CHN1: variants seen among roughly 807,000 people sequenced by gnomAD.
The protein encoded by CHN1 is N-chimaerin.
A neutral mutation model predicts 59.5 loss-of-function variants in CHN1; 37 were observed. That is an observed-to-expected ratio of 0.62 (90% confidence interval 0.48 to 0.82). CHN1 has a LOEUF of 0.82. Ranked by LOEUF, CHN1 falls within the 40% of genes least tolerant of loss-of-function variation. The pLI is 0.00. For synonymous variants in CHN1, 206 were observed against 200.4 expected, an observed-to-expected ratio of 1.03 and a Z score of -0.24; for missense variants, 469 against 571.0, an observed-to-expected ratio of 0.82 and a Z score of 1.82.
At chr2:174,980,061 AAAAT>A (rs1691090664) in intron 1 of CHN1, among the ~76,000 whole-genome samples, 1 of 152,178 alleles carries the variant, frequency 6.6e-6, no homozygotes, top group Non-Finnish European at 1.5e-5. Flanking sequence ...ATGCTTCTGT[AAAAT>A]AAATAACTAC....
chr2:174,899,662 T>C (rs1014408152), intron 5 of CHN1, among the ~76,000 whole-genome samples: 1 of 152,232 alleles, frequency 6.6e-6, no homozygotes, highest in South Asian at 2.1e-4. Flanking sequence ...ACCTGATCTA[T>C]GTGCTTAGCC....
At chr2:174,834,243 G>A (rs1262496385) in intron 7 of CHN1, among the ~76,000 whole-genome samples, 1 of 152,066 alleles carries the variant, frequency 6.6e-6, no homozygotes, top group Non-Finnish European at 1.5e-5. Context: ...CATTTTGCTT[G>A]TATAAACTAC....
At chr2:174,971,509 TAA>T (rs1392842009) in intron 1 of CHN1, among the ~76,000 whole-genome samples, 1 of 152,202 alleles carries the variant, frequency 6.6e-6, no homozygotes. Flanking sequence ...TCCTGAGATT[TAA>T]AAGTTTGAAA....
chr2:174,940,730 G>A (rs1689634314), intron 3 of CHN1, among the ~76,000 whole-genome samples: 1 of 151,180 alleles, frequency 6.6e-6, no homozygotes, highest in Admixed American at 6.6e-5. Context: ...CCCATTACAG[G>A]TAATGCTAAG....
chr2:174,816,641 C>A (rs1260283914), intron 8 of CHN1, among the ~76,000 whole-genome samples: 1 of 152,098 alleles, frequency 6.6e-6, no homozygotes, highest in Non-Finnish European at 1.5e-5. Flanking sequence ...AGGGAACTCG[C>A]TGCTAGGTTG....
At chr2:174,800,723 GC>G (rs1684693144) in intron 12 of CHN1, among the ~76,000 whole-genome samples, 1 of 131,752 alleles carries the variant, frequency 7.6e-6, no homozygotes, top group South Asian at 2.2e-4. Context: ...GAAGAGAACA[GC>G]AGCGACAGTA....
intron 6 of CHN1, among the ~76,000 whole-genome samples, chr2:174,864,796 T>C (rs576500252): frequency 1.1e-4 from 17 of 152,228 alleles, no homozygotes; most frequent in African/African-American, 3.9e-4. Flanking sequence ...CCAGGAGTTA[T>C]TGAGGCTACA....
At chr2:174,834,962 C>T (rs1686022776) in intron 7 of CHN1, among the ~76,000 whole-genome samples, 1 of 152,196 alleles carries the variant, frequency 6.6e-6, no homozygotes, top group Non-Finnish European at 1.5e-5. Context: ...ATCTGAGAGA[C>T]ATCCTCTGTA....
At chr2:174,838,180 G>T (rs989505889) in intron 7 of CHN1, among the ~76,000 whole-genome samples, 1 of 151,764 alleles carries the variant, frequency 6.6e-6, no homozygotes, top group Non-Finnish European at 1.5e-5. Context: ...TGCAACCTCC[G>T]CCTCCCAGGT....
At chr2:174,907,307 A>G (rs1688569564) in intron 5 of CHN1, among the ~76,000 whole-genome samples, 1 of 152,130 alleles carries the variant, frequency 6.6e-6, no homozygotes, top group South Asian at 2.1e-4. Flanking sequence ...AAAAAATTCA[A>G]TTGATTATGT....
intron 6 of CHN1, among the ~76,000 whole-genome samples, chr2:174,856,141 A>AT (rs1686894483): frequency 6.6e-6 from 1 of 152,166 alleles, no homozygotes; most frequent in African/African-American, 2.4e-5. Flanking sequence ...TTTCAAATGT[A>AT]TTTTAAGTCT....
intron 5 of CHN1, among the ~76,000 whole-genome samples, chr2:174,903,619 T>G (rs929189676): frequency 1.4e-4 from 21 of 152,304 alleles, no homozygotes; most frequent in Middle Eastern, 3.4e-3. Context: ...ATGTGCTGCT[T>G]TTATAACAGA....
intron 8 of CHN1, among the ~76,000 whole-genome samples, chr2:174,820,575 G>A (rs901377095): frequency 3.9e-5 from 6 of 152,214 alleles, no homozygotes; most frequent in African/African-American, 1.4e-4. Flanking sequence ...GGTGACTTTG[G>A]TGGGTGAGAC....
chr2:174,826,285 T>C (rs1214565561), intron 7 of CHN1, among the ~76,000 whole-genome samples: 3 of 152,242 alleles, frequency 2.0e-5, no homozygotes, highest in Non-Finnish European at 2.9e-5. Flanking sequence ...TACTCTGTAA[T>C]GTCCCTGTGT....
At chr2:174,886,769 T>C (rs1574128282) in intron 5 of CHN1, among the ~76,000 whole-genome samples, 1 of 152,170 alleles carries the variant, frequency 6.6e-6, no homozygotes, top group Admixed American at 6.5e-5. Flanking sequence ...TGCCTTAGGT[T>C]TAGGACTTAG....
At chr2:174,946,304 TATA>T (rs1312454551) in intron 2 of CHN1, among the ~76,000 whole-genome samples, 1 of 152,196 alleles carries the variant, frequency 6.6e-6, no homozygotes, top group Non-Finnish European at 1.5e-5. Flanking sequence ...TAAAATTCTT[TATA>T]ATAATACTTG....
At chr2:174,999,474 C>G (rs560361899) in intron 1 of CHN1, among the ~76,000 whole-genome samples, 23 of 152,170 alleles carry the variant, frequency 1.5e-4, no homozygotes, top group Non-Finnish European at 3.2e-4. Context: ...TGGCTGCTCT[C>G]AAGATAGTAA....
intron 5 of CHN1, among the ~76,000 whole-genome samples, chr2:174,892,569 A>G: frequency 6.6e-6 from 1 of 152,224 alleles, no homozygotes. Context: ...TTGTTACAGC[A>G]GCACAAACAG....
At chr2:174,945,180 G>A (rs1689787844) in intron 2 of CHN1, 3 of 512,028 alleles carry the variant, frequency 5.9e-6, no homozygotes, top group Admixed American at 6.4e-5. Context: ...CTTATAACAA[G>A]TCAGTGCTGG....
Sources: allele counts gnomAD v4.1 joint callset (sites outside exome capture counted in the v4.1 genomes callset), GRCh38; gene constraint gnomAD v4.1.1; transcripts MANE v1.5; gene names NCBI Gene and HGNC (gene_info 2026-07-23, HGNC 2026-07-21).